Variants in WASL observed in about 807,000 individuals in gnomAD.
The protein encoded by WASL is actin nucleation-promoting factor WASL.
WASL carries 20 observed loss-of-function variants against 55.5 expected under a neutral mutation model. The ratio of observed to expected loss-of-function variants is 0.36; its 90% CI spans 0.25 to 0.52. The LOEUF is 0.52. WASL is among the 20% of genes least tolerant of loss of function. The pLI is 0.92. For synonymous variants in WASL, 249 were observed against 217.6 expected (o/e 1.14, Z -1.27); for missense variants, 504 against 622.5 (o/e 0.81, Z 2.03).
At chr7:123,718,699 A>G (rs1803888606) in intron 1 of WASL, among the ~76,000 whole-genome samples, 1 of 152,164 alleles carries the variant, frequency 6.6e-6, no homozygotes, top group Non-Finnish European at 1.5e-5. Flanking sequence ...CCAGCCCCAT[A>G]TAATATTTTT....
chr7:123,713,253 A>T (rs1208283200), intron 1 of WASL, among the ~76,000 whole-genome samples: 2 of 152,114 alleles, frequency 1.3e-5, no homozygotes, highest in East Asian at 3.9e-4. Flanking sequence ...GGTTCAAGTG[A>T]TCCTCCTACC....
intron 9 of WASL, among the ~76,000 whole-genome samples, chr7:123,691,263 C>T (rs938392476): frequency 3.9e-5 from 6 of 152,064 alleles, no homozygotes; most frequent in Non-Finnish European, 8.8e-5. Context: ...CATCCATGAC[C>T]TCCCTGAAGT....
intron 2 of WASL, among the ~76,000 whole-genome samples, chr7:123,707,945 G>A (rs1467618353): frequency 6.6e-6 from 1 of 152,152 alleles, no homozygotes; most frequent in African/African-American, 2.4e-5. Flanking sequence ...CAGCACTTTG[G>A]GAGCCTGAGG....
At position 123,688,891 on chromosome 7, in the gene WASL, T is replaced by C. The variant is rs1584854492; in HGVS notation, c.1456+151A>G. 5.6e-6 allele frequency: 4 copies of C among 715,716 alleles called. No homozygotes were observed. In the East Asian group the frequency reaches 7.5e-5, roughly 13 times the overall value. 44.3% of individuals were successfully genotyped at this position (715,716 alleles called of 1,614,324 possible). A position where few individuals can be genotyped will look rare whatever the true frequency, so the allele number is the denominator to read the frequency against. ...GGCAACAACTTTTTAAAATACATCC[T>C]AGAGCCCACATCAGTAGTTACTCAA... On this transcript the variant is annotated intron_variant, in intron 10 of 10. Coordinates refer to ENST00000223023, the MANE Select transcript of WASL (RefSeq NM_003941.4).
rs150686547 is a variant in WASL, at chr7:123,692,770, G to A, written c.924C>T (p.Gly308=). 12 of 1,481,002 alleles carry A rather than the reference G, an allele frequency of 8.1e-6. No homozygotes were observed. The highest frequency in any genetic ancestry group is 1.8e-4 in the Middle Eastern group (1 of 5,484). The allele number at this position is 1,481,002 out of a possible 1,614,324, so 91.7% of individuals were successfully genotyped here. A position where few individuals can be genotyped will look rare whatever the true frequency, so the allele number is the denominator to read the frequency against. ...GPPPPPARGR[G]APPPPPSRAP... is the part of the protein sequence containing the mutation. ...CTCTTGAAGGTGGTGGGGGAGGAGC[G>A]CCTCTTCCCCTAGCAGGAGGAGGAG... The change falls in exon 9 of 11, where the codon GGC becomes GGT. Residue 308 remains glycine, a synonymous_variant. Transcript: ENST00000223023.
chr7:123,716,137 T>C (rs1311666294), intron 1 of WASL, among the ~76,000 whole-genome samples: 2 of 152,128 alleles, frequency 1.3e-5, no homozygotes, highest in African/African-American at 4.8e-5. Flanking sequence ...AACCTGAAAT[T>C]TGGGTCTGGA....
At chr7:123,724,257 G>C (rs1353101707) in intron 1 of WASL, among the ~76,000 whole-genome samples, 1 of 152,124 alleles carries the variant, frequency 6.6e-6, no homozygotes, top group Non-Finnish European at 1.5e-5. Context: ...ACACTATCTT[G>C]TTATGAACCC....
intron 1 of WASL, among the ~76,000 whole-genome samples, chr7:123,735,627 A>AC (rs2116820837): frequency 6.6e-6 from 1 of 152,264 alleles, no homozygotes; most frequent in African/African-American, 2.4e-5. Context: ...AGAAATGAAA[A>AC]CTACAATGTC....
intron 1 of WASL, among the ~76,000 whole-genome samples, chr7:123,725,690 T>C (rs1041842437): frequency 6.6e-6 from 1 of 152,160 alleles, no homozygotes; most frequent in Non-Finnish European, 1.5e-5. Context: ...GAAATTAAAA[T>C]TGAGCTAGAT....
chr7:123,714,876 G>C (rs1423373778), intron 1 of WASL, among the ~76,000 whole-genome samples: 1 of 152,144 alleles, frequency 6.6e-6, no homozygotes, highest in Admixed American at 6.5e-5. Context: ...AAAAGGGTGA[G>C]TCAAGTGAAC....
At chr7:123,689,355 CT>C (rs1290274603) in intron 9 of WASL, among the ~76,000 whole-genome samples, 2 of 152,202 alleles carry the variant, frequency 1.3e-5, no homozygotes, top group African/African-American at 2.4e-5. Context: ...TCCTTTCCAT[CT>C]TAATGTATAA....
intron 10 of WASL, among the ~76,000 whole-genome samples, chr7:123,685,770 TACTG>T (rs1460212945): frequency 6.6e-6 from 1 of 150,770 alleles, no homozygotes; most frequent in African/African-American, 2.4e-5. Flanking sequence ...TTCTATATTA[TACTG>T]ACTTTCCATA....
At chr7:123,724,363 G>A (rs985880035) in intron 1 of WASL, among the ~76,000 whole-genome samples, 8 of 152,104 alleles carry the variant, frequency 5.3e-5, no homozygotes, top group African/African-American at 1.7e-4. Context: ...ACATAATGTT[G>A]AAAACTTTTC....
chr7:123,731,388 T>C (rs530974099), intron 1 of WASL, among the ~76,000 whole-genome samples: 1 of 152,144 alleles, frequency 6.6e-6, no homozygotes, highest in African/African-American at 2.4e-5. Context: ...CACTCCTCTA[T>C]CAGTGATTGA....
At chr7:123,710,288 AAAAAT>A (rs1172380754) in intron 1 of WASL, among the ~76,000 whole-genome samples, 9 of 150,800 alleles carry the variant, frequency 6.0e-5, no homozygotes, top group African/African-American at 1.9e-4. Flanking sequence ...ATATAAATAT[AAAAAT>A]AAAATATTTC....
At chr7:123,747,066 G>A (rs1044688601) in intron 1 of WASL, among the ~76,000 whole-genome samples, 4 of 152,096 alleles carry the variant, frequency 2.6e-5, no homozygotes, top group African/African-American at 9.7e-5. Flanking sequence ...GGTGAAAAAG[G>A]CAAAGTGGTT....
intron 5 of WASL, among the ~76,000 whole-genome samples, chr7:123,699,371 T>G (rs1043639163): frequency 3.3e-5 from 5 of 152,038 alleles, no homozygotes; most frequent in African/African-American, 1.2e-4. Flanking sequence ...AGCAAGACCC[T>G]GTCTCAAAAA....
chr7:123,703,128 G>A (rs1803617020), intron 5 of WASL, among the ~76,000 whole-genome samples: 1 of 152,078 alleles, frequency 6.6e-6, no homozygotes, highest in Admixed American at 6.5e-5. Flanking sequence ...TGTTTCTTTT[G>A]CCTCTGCCAT....
At chr7:123,690,940 C>T (rs1434035982) in intron 9 of WASL, among the ~76,000 whole-genome samples, 1 of 152,118 alleles carries the variant, frequency 6.6e-6, no homozygotes, top group East Asian at 1.9e-4. Context: ...CTTTAAAGTT[C>T]TTCAACTGCT....
Sources: allele counts gnomAD v4.1 joint callset (sites outside exome capture counted in the v4.1 genomes callset), GRCh38; gene constraint gnomAD v4.1.1; transcripts MANE v1.5; gene names NCBI Gene and HGNC (gene_info 2026-07-23, HGNC 2026-07-21).